UTY: variants seen among roughly 807,000 people sequenced by gnomAD.
The protein encoded by UTY is ubiquitously transcribed tetratricopeptide repeat containing, Y-linked, also known as histone demethylase UTY.
UTY carries 12 observed loss-of-function variants against 32.5 expected under a neutral mutation model. That is an observed-to-expected ratio of 0.37 (90% CI 0.24 to 0.60). The LOEUF is 0.60. Ranked by LOEUF, UTY falls within the 20% of genes least tolerant of loss-of-function variation. The pLI, the probability that UTY is intolerant of heterozygous loss-of-function variation, is 0.69. For synonymous variants in UTY, 131 were observed against 103.4 expected (o/e 1.27, Z -1.62); for missense variants, 303 against 299.2 (o/e 1.01, Z -0.09).
chrY:13,241,556 AAT>A (rs2053902273), intron 28 of UTY, among the ~76,000 whole-genome samples: 1 of 33,784 alleles, frequency 3.0e-5, no homozygotes, highest in African/African-American at 1.2e-4. Flanking sequence ...ACAAAGGATC[AAT>A]CAACACAAAG....
In UTY at chrY:13,248,946, A is replaced by T; in HGVS notation, c.*910T>A. 2.6e-5 allele frequency: 1 copy of T among 38,781 alleles called. No homozygotes were observed. The highest frequency in any genetic ancestry group is 1.1e-4 in the African/African-American group (1 of 8,930). 9.7% of individuals were successfully genotyped at this position (38,781 alleles called of 400,897 possible). On this transcript the variant is annotated 3_prime_UTR_variant, in exon 30 of 30. Coordinates refer to ENST00000545955, the MANE Select transcript of UTY (RefSeq NM_001258249.2). ...ATATTATACATGTGTGTACACATACACACACATATAAAATACATATAATCA... is the reference window on the plus strand; with the variant it reads ...ATATTATACATGTGTGTACACATACTCACACATATAAAATACATATAATCA...
chrY:13,415,046 T>C, intron 4 of UTY, among the ~76,000 whole-genome samples: 1 of 30,907 alleles, frequency 3.2e-5, no homozygotes, highest in African/African-American at 1.3e-4. Context: ...TAAATGTTAG[T>C]ACAGATTGTT....
At position 13,369,024 on chromosome Y, in the gene UTY, G is replaced by C. The variant is rs373690116; in HGVS notation, c.739+232C>G. On this transcript the variant is annotated intron_variant, in intron 9 of 29. Coordinates refer to ENST00000545955, the MANE Select transcript of UTY (RefSeq NM_001258249.2). ...AATACAGGGTTTGGAACTATCGGCA[G>C]CTTCCAGAGTATCATGGAACATATA... Among the ~76,000 whole-genome samples, 23 of 32,870 alleles carry C rather than the reference G, an allele frequency of 7.0e-4. No homozygotes were observed. The East Asian group carries it at 7.8e-3, about 11-fold the overall frequency. 88.2% of individuals were successfully genotyped at this position (32,870 alleles called of 37,273 possible).
At chrY:13,415,371 C>T in intron 4 of UTY, among the ~76,000 whole-genome samples, 1 of 33,302 alleles carries the variant, frequency 3.0e-5, no homozygotes, top group Non-Finnish European at 7.4e-5. Flanking sequence ...TTTACATATG[C>T]CACTGAGAAG....
intron 6 of UTY, among the ~76,000 whole-genome samples, chrY:13,407,385 T>A (rs1057317001): frequency 3.1e-5 from 1 of 32,430 alleles, no homozygotes; most frequent in Admixed American, 2.9e-4. Context: ...ATTAAACACA[T>A]GGAAATTTGA....
rs777319285 is a variant in UTY at position 13,363,142 on chromosome Y, T to C, written c.867-2614A>G. 9.2e-5 allele frequency among the ~76,000 whole-genome samples: 3 copies of C among 32,454 alleles called. No individual in the cohort carries two copies. The South Asian group carries it at 2.1e-3, about 23-fold the overall frequency. The allele number at this position is 32,454 out of a possible 37,273, so 87.1% of individuals were successfully genotyped here. A position where few individuals can be genotyped will look rare whatever the true frequency, so the allele number is the denominator to read the frequency against. ...TGGTCTCCAACTACTGGCCTCATGA[T>C]CCACCCGCCTCGGCCTCCCTAAGTG... On this transcript the variant is annotated intron_variant, in intron 10 of 29. Coordinates refer to ENST00000545955, the MANE Select transcript of UTY (RefSeq NM_001258249.2).
chrY:13,329,307 G>C, intron 18 of UTY, among the ~76,000 whole-genome samples: 1 of 33,550 alleles, frequency 3.0e-5, no homozygotes, highest in Non-Finnish European at 7.4e-5. Flanking sequence ...CTAGTTATAG[G>C]TTATTTATTT....
rs372029495 is a variant in UTY, at chrY:13,365,323, A to G, written c.866+944T>C. Among the ~76,000 whole-genome samples the G allele has an allele frequency of 0.013, 399 of 30,131 alleles. No homozygotes were observed. The Middle Eastern group carries it at 0.26, about 19-fold the overall frequency. 80.8% of individuals were successfully genotyped at this position (30,131 alleles called of 37,273 possible). On this transcript the variant is annotated intron_variant, in intron 10 of 29. Coordinates refer to ENST00000545955, the MANE Select transcript of UTY (RefSeq NM_001258249.2). ...GCTACTCAGGAGGCTGAGGCACAAG[A>G]ATCACTTAAGCCCGGGAGGCAGAAG...
At chrY:13,274,714 C>A in intron 27 of UTY, among the ~76,000 whole-genome samples, 2 of 30,157 alleles carry the variant, frequency 6.6e-5, no homozygotes, top group Non-Finnish European at 1.6e-4. Flanking sequence ...ACCCAGGAAT[C>A]GGAGGTGCGG....
intron 18 of UTY, among the ~76,000 whole-genome samples, chrY:13,329,723 G>A: frequency 3.0e-5 from 1 of 33,437 alleles, no homozygotes; most frequent in Non-Finnish European, 7.4e-5. Context: ...GGCTCTTTGA[G>A]GTAATCGATG....
chrY:13,397,840 A>G (rs2068425579), intron 6 of UTY, among the ~76,000 whole-genome samples: 1 of 33,368 alleles, frequency 3.0e-5, no homozygotes, highest in African/African-American at 1.2e-4. Context: ...AACTAAAGAT[A>G]ATAGGTCCTA....
intron 6 of UTY, among the ~76,000 whole-genome samples, chrY:13,405,460 C>T: frequency 3.1e-5 from 1 of 32,486 alleles, no homozygotes; most frequent in Non-Finnish European, 7.6e-5. Context: ...TCAAGGGGTA[C>T]AAAATGACAG....
At chrY:13,465,044 C>T (rs541943227) in intron 3 of UTY, among the ~76,000 whole-genome samples, 3 of 33,125 alleles carry the variant, frequency 9.1e-5, no homozygotes, top group African/African-American at 2.4e-4. Flanking sequence ...GCCGAGATCA[C>T]GTCACAGCAC....
intron 24 of UTY, among the ~76,000 whole-genome samples, chrY:13,303,280 G>C: frequency 2.1e-4 from 7 of 33,551 alleles, no homozygotes; most frequent in Admixed American, 1.6e-3. Flanking sequence ...TCAAATGTTA[G>C]CATATAATGT....
chrY:13,426,931 A>T, intron 4 of UTY, among the ~76,000 whole-genome samples: 1 of 33,694 alleles, frequency 3.0e-5, no homozygotes, highest in Non-Finnish European at 7.4e-5. Context: ...AGAAAAGTCG[A>T]ACACTGTAAT....
intron 21 of UTY, among the ~76,000 whole-genome samples, chrY:13,306,593 G>C: frequency 6.0e-5 from 2 of 33,416 alleles, no homozygotes; most frequent in African/African-American, 2.3e-4. Context: ...ATGATATCAA[G>C]AGAATATGAG....
intron 21 of UTY, among the ~76,000 whole-genome samples, chrY:13,318,963 A>G (rs2059672156): frequency 3.0e-5 from 1 of 32,789 alleles, no homozygotes; most frequent in East Asian, 7.9e-4. Flanking sequence ...AGATCATGCC[A>G]TCACACTGCA....
At chrY:13,269,599 AAAC>A (rs2056132082) in intron 27 of UTY, among the ~76,000 whole-genome samples, 2 of 31,907 alleles carry the variant, frequency 6.3e-5, no homozygotes, top group Admixed American at 5.4e-4. Flanking sequence ...AAACAAAACA[AAAC>A]AAAACAAAAA....
chrY:13,443,061 C>T (rs2075357981), intron 4 of UTY, among the ~76,000 whole-genome samples: 1 of 33,111 alleles, frequency 3.0e-5, no homozygotes, highest in Non-Finnish European at 7.4e-5. Context: ...TCATCAGGAA[C>T]AGGTAAAAGC....
Sources: allele counts gnomAD v4.1 joint callset (sites outside exome capture counted in the v4.1 genomes callset), GRCh38; gene constraint gnomAD v4.1.1; transcripts MANE v1.5; gene names NCBI Gene and HGNC (gene_info 2026-07-23, HGNC 2026-07-21).